SV2C: variants seen among roughly 807,000 people sequenced by gnomAD.
SV2C encodes synaptic vesicle glycoprotein 2C, also known as solute carrier family 22 member B3.
SV2C carries 49 observed loss-of-function variants against 79.7 expected under a neutral mutation model. The ratio of observed to expected loss-of-function variants is 0.61; its 90% CI spans 0.49 to 0.78. The LOEUF (loss-of-function observed/expected upper bound fraction) is 0.78. Among genes scored for constraint, SV2C ranks in the 30% least tolerant of loss-of-function variants. The pLI, the probability that SV2C is intolerant of heterozygous loss-of-function variation, is 0.00. For synonymous variants in SV2C, 334 were observed against 333.2 expected, an observed-to-expected ratio of 1.00 and a Z score of -0.03; for missense variants, 833 against 912.9, an observed-to-expected ratio of 0.91 and a Z score of 1.13.
chr5:75,991,604 TGGATACATATATGCAAAACCATCAG>T, the SV2C span, among the ~76,000 whole-genome samples: 2 of 146,284 alleles, frequency 1.4e-5, no homozygotes, highest in Admixed American at 6.9e-5. Flanking sequence ...TATATATATA[TGGATACATATATGCAAAACCATCAG>T]ATATATATAT....
chr5:75,916,491 C>G, the SV2C span, among the ~76,000 whole-genome samples: 20 of 149,152 alleles, frequency 1.3e-4, no homozygotes, highest in African/African-American at 4.7e-4. Flanking sequence ...TTGTTTTGTT[C>G]TGAGACTCAG....
the SV2C span, among the ~76,000 whole-genome samples, chr5:75,892,069 A>G: frequency 6.6e-6 from 1 of 152,022 alleles, no homozygotes; most frequent in Non-Finnish European, 1.5e-5. Context: ...ACTGCTTTTC[A>G]TAGCATTTGG....
chr5:76,053,071 G>A, the SV2C span, among the ~76,000 whole-genome samples: 1 of 149,938 alleles, frequency 6.7e-6, no homozygotes, highest in Non-Finnish European at 1.5e-5. Context: ...TAGCCCAGAG[G>A]TTGTACAAGA....
At position 76,216,104 on chromosome 5, in the gene SV2C, T is replaced by C. The variant is rs147415168; in HGVS notation, c.913+6217T>C. ...CTCTAAGGGCTAGTGAGTTAAGACA[T>C]GGGCTGTGGCCAGGAGTTTTTGGTG... On this transcript the variant is annotated intron_variant, in intron 4 of 12. Coordinates refer to ENST00000502798, the MANE Select transcript of SV2C (RefSeq NM_014979.4). Among the ~76,000 whole-genome samples, 519 of 152,246 alleles carry C rather than the reference T, an allele frequency of 3.4e-3. 4 individuals carry two copies. Among genetic ancestry groups the C allele is most frequent in the African/African-American group, 0.012 (479 of 41,546 alleles).
intron 1 of SV2C, among the ~76,000 whole-genome samples, chr5:76,114,539 G>A (rs1748200873): frequency 6.6e-6 from 1 of 152,196 alleles, no homozygotes; most frequent in South Asian, 2.1e-4. Context: ...TAGGAATGAG[G>A]CCGACTTGAT....
At chr5:76,345,705 C>T (rs1749524829) in intron 12 of SV2C, among the ~76,000 whole-genome samples, 1 of 152,194 alleles carries the variant, frequency 6.6e-6, no homozygotes, top group African/African-American at 2.4e-5. Flanking sequence ...ATGAGCCAGG[C>T]ACTGTTCTAG....
chr5:76,313,322 C>G (rs1203076089), intron 12 of SV2C, among the ~76,000 whole-genome samples: 1 of 152,154 alleles, frequency 6.6e-6, no homozygotes, highest in Non-Finnish European at 1.5e-5. Flanking sequence ...GCCCTCTGCT[C>G]TGCTTGATTT....
chr5:76,073,252 G>A, the SV2C span, among the ~76,000 whole-genome samples: 1 of 151,938 alleles, frequency 6.6e-6, no homozygotes, highest in Non-Finnish European at 1.5e-5. Flanking sequence ...GATCCATCTT[G>A]AGTTGATTTT....
intron 12 of SV2C, among the ~76,000 whole-genome samples, chr5:76,339,583 G>A (rs1412114088): frequency 2.0e-5 from 3 of 151,878 alleles, no homozygotes; most frequent in African/African-American, 2.4e-5. Flanking sequence ...GTGTGGTGGT[G>A]GGCACCTGTA....
At chr5:75,954,648 T>C in the SV2C span, among the ~76,000 whole-genome samples, 4 of 150,034 alleles carry the variant, frequency 2.7e-5, no homozygotes, top group South Asian at 8.4e-4. Context: ...GAAAACCCCA[T>C]TGTCTCAGCC....
chr5:76,032,388 C>T, the SV2C span, among the ~76,000 whole-genome samples: 1 of 152,072 alleles, frequency 6.6e-6, no homozygotes, highest in Admixed American at 6.5e-5. Context: ...CCAATGCTAT[C>T]CCGCCCCTCT....
the SV2C span, chr5:75,911,347 C>T: frequency 1.0e-5 from 13 of 1,305,790 alleles, 1 homozygote; most frequent in South Asian, 6.2e-5. Flanking sequence ...CCTCCAAACC[C>T]GCACAGAAAA....
At chr5:75,947,221 A>C in the SV2C span, among the ~76,000 whole-genome samples, 5 of 152,076 alleles carry the variant, frequency 3.3e-5, no homozygotes, top group Non-Finnish European at 5.9e-5. Flanking sequence ...TTGTGTCTTG[A>C]TTCAATTAAC....
chr5:76,286,236 C>A (rs1747353433), intron 6 of SV2C, among the ~76,000 whole-genome samples: 1 of 152,090 alleles, frequency 6.6e-6, no homozygotes, highest in South Asian at 2.1e-4. Context: ...TCTCTGACTC[C>A]CAGGTTCAGT....
intron 4 of SV2C, among the ~76,000 whole-genome samples, chr5:76,267,681 C>G (rs917068189): frequency 2.0e-5 from 3 of 152,180 alleles, no homozygotes; most frequent in East Asian, 3.8e-4. Context: ...GGCATTGATG[C>G]CAAGCATGGC....
the SV2C span, among the ~76,000 whole-genome samples, chr5:75,888,871 C>T: frequency 6.6e-6 from 1 of 152,028 alleles, no homozygotes; most frequent in East Asian, 1.9e-4. Context: ...AACAAAGCGT[C>T]ACAGACTGGG....
At chr5:76,298,654 A>G in intron 9 of SV2C, 140 bp from the exon 10 acceptor site, 1 of 944,192 alleles carries the variant, frequency 1.1e-6, no homozygotes, top group Non-Finnish European at 1.5e-6. Flanking sequence ...GCAGAGAGCT[A>G]AGAAAATCAA....
chr5:76,342,915 G>A (rs1349871482), intron 12 of SV2C, among the ~76,000 whole-genome samples: 8 of 148,470 alleles, frequency 5.4e-5, no homozygotes, highest in African/African-American at 7.4e-5. Flanking sequence ...TAGAGATGGG[G>A]ATCTTGCTAT....
the SV2C span, among the ~76,000 whole-genome samples, chr5:75,970,162 A>G: frequency 1.3e-5 from 2 of 152,140 alleles, no homozygotes; most frequent in African/African-American, 2.4e-5. Context: ...TCTCTTGGAC[A>G]CATTCAAAGC....
Sources: gnomAD v4.1 joint callset for allele counts (sites outside exome capture counted in the v4.1 genomes callset) on GRCh38, gnomAD v4.1.1 for gene constraint, MANE v1.5 for transcripts, NCBI Gene and HGNC (gene_info 2026-07-23, HGNC 2026-07-21) for gene names.